The following FSTL5 variants were observed in gnomAD, a reference collection of about 807,000 sequenced individuals.
FSTL5 encodes follistatin-related protein 5.
In FSTL5, 62 loss-of-function variants were observed where a neutral mutation model predicts 89.1. That is an observed-to-expected ratio of 0.70 (90% confidence interval 0.57 to 0.86). The LOEUF (loss-of-function observed/expected upper bound fraction) is 0.86, where lower values mean the gene tolerates loss of function less well. Ranked by LOEUF, FSTL5 falls within the 40% of genes least tolerant of loss-of-function variation. The pLI is 0.00. For missense variants in FSTL5, 1,057 were observed against 1,001.6 expected (o/e 1.06, Z -0.75); for synonymous variants, 383 against 346.2 (o/e 1.11, Z -1.18).
At chr4:162,141,647 G>C (rs543593338) in intron 1 of FSTL5, among the ~76,000 whole-genome samples, 87 of 152,290 alleles carry the variant, frequency 5.7e-4, no homozygotes, top group Admixed American at 4.2e-3. Flanking sequence ...TAGAAAAGCA[G>C]AGAATTCTGC....
chr4:161,702,159 C>A (rs1490454563), intron 6 of FSTL5, among the ~76,000 whole-genome samples: 2 of 151,966 alleles, frequency 1.3e-5, no homozygotes, highest in African/African-American at 4.8e-5. Context: ...GAAATACAAG[C>A]TACTTTATGT....
chr4:161,716,718 C>T (rs1738999406), intron 6 of FSTL5, among the ~76,000 whole-genome samples: 1 of 152,092 alleles, frequency 6.6e-6, no homozygotes, highest in Non-Finnish European at 1.5e-5. Flanking sequence ...TTGTTTCTTT[C>T]ACTCTCTCCA....
intron 6 of FSTL5, among the ~76,000 whole-genome samples, chr4:161,737,389 G>A (rs1459317843): frequency 1.3e-5 from 2 of 151,870 alleles, no homozygotes; most frequent in Non-Finnish European, 2.9e-5. Context: ...CTATAAAATC[G>A]AGCAGAAATA....
In FSTL5 at chr4:161,856,725, T is replaced by C. The variant is rs368726607; in HGVS notation, c.409+63679A>G. Among the ~76,000 whole-genome samples the C allele has an allele frequency of 1.1e-4, 16 of 151,904 alleles. No homozygotes were observed. The South Asian group carries it at 2.3e-3, about 22-fold the overall frequency. On this transcript the variant is annotated intron_variant, in intron 4 of 15. Transcript: ENST00000306100. ...GTATGGCAAGCAAGTAAACAAATAA[T>C]GTAAATACATATAGTAATAAACATC...
At chr4:161,875,573 C>T (rs1732415197) in intron 4 of FSTL5, among the ~76,000 whole-genome samples, 2 of 152,110 alleles carry the variant, frequency 1.3e-5, no homozygotes, top group African/African-American at 4.8e-5. Flanking sequence ...TGTATCCGGG[C>T]CCTTGAGCCA....
intron 8 of FSTL5, among the ~76,000 whole-genome samples, chr4:161,577,910 G>A (rs1385637561): frequency 6.6e-6 from 1 of 152,004 alleles, no homozygotes; most frequent in African/African-American, 2.4e-5. Flanking sequence ...ATCTCATACT[G>A]CATATCAGAA....
intron 2 of FSTL5, among the ~76,000 whole-genome samples, chr4:162,070,295 T>A (rs1729561178): frequency 6.6e-6 from 1 of 151,882 alleles, no homozygotes; most frequent in Admixed American, 6.6e-5. Context: ...TTTGCAAGTG[T>A]TTTATCCTAT....
chr4:161,703,171 A>G (rs1738461302), intron 6 of FSTL5, among the ~76,000 whole-genome samples: 1 of 152,146 alleles, frequency 6.6e-6, no homozygotes, highest in Non-Finnish European at 1.5e-5. Flanking sequence ...TCTAGCCTCC[A>G]GAGCTGTGAG....
chr4:162,144,545 A>C (rs1732894870), intron 1 of FSTL5, among the ~76,000 whole-genome samples: 1 of 152,122 alleles, frequency 6.6e-6, no homozygotes, highest in South Asian at 2.1e-4. Context: ...AACTCAACTT[A>C]ATATTTTAAA....
intron 1 of FSTL5, among the ~76,000 whole-genome samples, chr4:162,129,916 T>G (rs1201734400): frequency 6.6e-6 from 1 of 152,206 alleles, no homozygotes; most frequent in Non-Finnish European, 1.5e-5. Flanking sequence ...CACAAGATTT[T>G]AAATGTGCTC....
At chr4:161,926,099 CTT>C (rs1358200608) in intron 3 of FSTL5, among the ~76,000 whole-genome samples, 1 of 151,876 alleles carries the variant, frequency 6.6e-6, no homozygotes, top group Admixed American at 6.6e-5. Flanking sequence ...ACCTCACAAA[CTT>C]CATGGCAAGG....
At chr4:162,034,227 T>C (rs76511338) in intron 2 of FSTL5, among the ~76,000 whole-genome samples, 3 of 152,070 alleles carry the variant, frequency 2.0e-5, no homozygotes, top group African/African-American at 7.2e-5. Context: ...TAATAAATAA[T>C]CATGCCTCTC....
intron 2 of FSTL5, among the ~76,000 whole-genome samples, chr4:162,075,655 C>G (rs946408267): frequency 1.3e-5 from 2 of 151,830 alleles, no homozygotes; most frequent in Non-Finnish European, 2.9e-5. Flanking sequence ...CATCAGTCTC[C>G]TGAATCATAG....
At chr4:162,139,146 T>C (rs1377465048) in intron 1 of FSTL5, among the ~76,000 whole-genome samples, 1 of 152,052 alleles carries the variant, frequency 6.6e-6, no homozygotes, top group Non-Finnish European at 1.5e-5. Context: ...ATATAATGTG[T>C]AATGGTGAGG....
intron 3 of FSTL5, among the ~76,000 whole-genome samples, chr4:161,985,916 A>G (rs981071176): frequency 6.6e-6 from 1 of 152,130 alleles, no homozygotes; most frequent in Admixed American, 6.5e-5. Context: ...GGAGTCCTCT[A>G]TGGAACTACT....
chr4:162,072,716 TCTAA>T (rs930976926), intron 2 of FSTL5, among the ~76,000 whole-genome samples: 3 of 151,834 alleles, frequency 2.0e-5, no homozygotes, highest in African/African-American at 7.2e-5. Context: ...ATTTTATGTG[TCTAA>T]CTGACTGGGT....
rs551162027 is a variant in FSTL5, at chr4:161,974,064, C to T, written c.161-53412G>A. On this transcript the variant is annotated intron_variant, in intron 3 of 15. Coordinates refer to ENST00000306100, the MANE Select transcript of FSTL5 (RefSeq NM_020116.5). ...TCCAACTTACAAGGGATGTGAAGGA[C>T]CTCTTCAAGGAGAACTACAAACCAC... Among the ~76,000 whole-genome samples, 551 of 152,158 alleles carry T rather than the reference C, an allele frequency of 3.6e-3. 3 individuals carry two copies. Among genetic ancestry groups the T allele is most frequent in the African/African-American group, 0.012 (502 of 41,510 alleles).
intron 2 of FSTL5, among the ~76,000 whole-genome samples, chr4:162,069,266 CATA>C (rs1391664391): frequency 6.6e-6 from 1 of 151,832 alleles, no homozygotes; most frequent in Non-Finnish European, 1.5e-5. Context: ...TTTAAATTGG[CATA>C]ATAATTGTAC....
intron 1 of FSTL5, among the ~76,000 whole-genome samples, chr4:162,132,921 CA>C (rs1164142629): frequency 6.6e-6 from 1 of 152,130 alleles, no homozygotes; most frequent in Non-Finnish European, 1.5e-5. Context: ...CAAAGTTAAG[CA>C]GAAAAAGTGG....
Sources: gnomAD v4.1 joint callset for allele counts (sites outside exome capture counted in the v4.1 genomes callset) on GRCh38, gnomAD v4.1.1 for gene constraint, MANE v1.5 for transcripts, NCBI Gene and HGNC (gene_info 2026-07-23, HGNC 2026-07-21) for gene names.